VCL: variants seen among roughly 807,000 people sequenced by gnomAD.
VCL encodes vinculin.
A neutral mutation model predicts 125.7 loss-of-function variants in VCL; 47 were observed. The ratio of observed to expected loss-of-function variants is 0.37; its 90% CI spans 0.30 to 0.48. The LOEUF is 0.48. Among genes scored for constraint, VCL ranks in the 20% least tolerant of loss-of-function variants. VCL has a pLI of 0.99. For missense variants in VCL, 1,069 were observed against 1,455.5 expected, an observed-to-expected ratio of 0.73 and a Z score of 4.32; for synonymous variants, 458 against 514.6, an observed-to-expected ratio of 0.89 and a Z score of 1.49.
In VCL at chr10:74,089,099, G is replaced by T. The variant is rs912814047; in HGVS notation, c.1023-97G>T. The T allele has an allele frequency of 7.7e-6, 12 of 1,552,914 alleles. No individual in the cohort carries two copies. In the African/African-American group the frequency reaches 1.4e-4, roughly 18 times the overall value. On this transcript the variant is annotated intron_variant, in intron 8 of 21. Coordinates refer to ENST00000211998, the MANE Select transcript of VCL (RefSeq NM_014000.3). ...TTACTGGGAAAAAGGAAAAAGCCAAGCATGTTCATGAAAACCACATGTACT... is the reference window on the plus strand; with the variant it reads ...TTACTGGGAAAAAGGAAAAAGCCAATCATGTTCATGAAAACCACATGTACT...
At chr10:74,031,444 C>G (rs1416148848) in intron 1 of VCL, among the ~76,000 whole-genome samples, 2 of 152,166 alleles carry the variant, frequency 1.3e-5, no homozygotes, top group Non-Finnish European at 2.9e-5. Flanking sequence ...ATACCATACA[C>G]AAAAATTGAC....
chr10:74,022,748 T>A (rs1840697191), intron 1 of VCL, among the ~76,000 whole-genome samples: 1 of 151,422 alleles, frequency 6.6e-6, no homozygotes, highest in African/African-American at 2.4e-5. Flanking sequence ...GCAATTCTCC[T>A]GCCTCAGCCT....
Position 74,105,575 on chromosome 10 carries a change from T to C in VCL, c.2434+222T>C, listed in dbSNP as rs368114841. On this transcript the variant is annotated intron_variant, in intron 16 of 21. Transcript: ENST00000211998. ...TTTCTGGACCAACTTCTCTGTGCTT[T>C]CTTTTTTTTTTGAGACTCTCACCCA... Among the ~76,000 whole-genome samples the C allele has an allele frequency of 2.6e-5, 4 of 152,256 alleles. No individual in the cohort carries two copies. In the South Asian group the frequency reaches 8.3e-4, roughly 32 times the overall value.
rs549460368 is a variant in VCL, at chr10:74,087,439, G to A, written c.1023-1757G>A. 2.6e-3 allele frequency among the ~76,000 whole-genome samples: 378 copies of A among 146,066 alleles called. 4 individuals carry two copies. The highest frequency in any genetic ancestry group is 0.021 in the Middle Eastern group (6 of 282). On this transcript the variant is annotated intron_variant, in intron 8 of 21. Coordinates refer to ENST00000211998, the MANE Select transcript of VCL (RefSeq NM_014000.3). Reference sequence around the variant, plus strand: ...CGGCTCACTGCAAGCTCTGCCTCCCGGGTTCACACCATTCTCCTGCCTCAG... The same window carrying A: ...CGGCTCACTGCAAGCTCTGCCTCCCAGGTTCACACCATTCTCCTGCCTCAG...
At chr10:74,070,568 G>T in intron 2 of VCL, 102 bp from the exon 3 acceptor site, 1 of 1,552,974 alleles carries the variant, frequency 6.4e-7, no homozygotes, top group Non-Finnish European at 8.8e-7. Context: ...TTCATGTAGG[G>T]AAAAAAACTG....
intron 1 of VCL, among the ~76,000 whole-genome samples, chr10:74,031,290 G>T (rs1840869326): frequency 6.6e-6 from 1 of 152,074 alleles, no homozygotes; most frequent in African/African-American, 2.4e-5. Flanking sequence ...CCTGGTAAAG[G>T]TTAGTCTCTG....
At chr10:74,115,701 G>T (rs1840301902) in intron 21 of VCL, among the ~76,000 whole-genome samples, 1 of 152,230 alleles carries the variant, frequency 6.6e-6, no homozygotes, top group Non-Finnish European at 1.5e-5. Context: ...CTTTTCCGGG[G>T]CATGAGGTAG....
chr10:74,083,615 T>C, intron 8 of VCL, 102 bp downstream of exon 8: 1 of 1,408,820 alleles, frequency 7.1e-7, no homozygotes, highest in African/African-American at 1.4e-5. Flanking sequence ...TCTCTTTGGC[T>C]AGTAGATAAC....
At chr10:74,072,918 T>C in intron 5 of VCL, 66 bp downstream of exon 5, 1 of 1,605,122 alleles carries the variant, frequency 6.2e-7, no homozygotes, top group East Asian at 2.2e-5. Context: ...ACTCTGAGGT[T>C]CATTTTGTTT....
intron 2 of VCL, among the ~76,000 whole-genome samples, chr10:74,068,470 C>A (rs1841610159): frequency 1.3e-5 from 2 of 151,848 alleles, no homozygotes; most frequent in South Asian, 4.2e-4. Flanking sequence ...GATTACAGGC[C>A]CCTGCCACCA....
intron 8 of VCL, among the ~76,000 whole-genome samples, chr10:74,084,531 C>T (rs1334022861): frequency 1.3e-5 from 2 of 151,406 alleles, no homozygotes; most frequent in Non-Finnish European, 2.9e-5. Flanking sequence ...AGGTGATCCA[C>T]CTGCCTTGGC....
Position 74,095,858 on chromosome 10 carries a change from A to G in VCL, c.1743+3A>G. 2 of 1,613,118 alleles carry G rather than the reference A, an allele frequency of 1.2e-6. No individual in the cohort carries two copies. Among genetic ancestry groups the G allele is most frequent in the Non-Finnish European group, 1.7e-6 (2 of 1,179,976 alleles). On this transcript the variant is annotated splice_donor_region_variant and intron_variant, in intron 12 of 21. Transcript: ENST00000211998. ...CTCAGCTCCAAGACTCCTTAAAGGT[A>G]GAAGTCAGGAGCACATATCATTTTA...
chr10:74,012,592 G>A (rs1211583536), intron 1 of VCL, among the ~76,000 whole-genome samples: 3 of 152,316 alleles, frequency 2.0e-5, no homozygotes, highest in East Asian at 1.9e-4. Context: ...TGAAGTGGTA[G>A]GGACGTGGGG....
In VCL at chr10:74,103,874, G is replaced by C; in HGVS notation, c.2077G>C (p.Glu693Gln). ...GAACCCTGGAAATCAAGCTGCTTAT[G>C]AACATTTTGAGACCATGAAGAACCA... ...LRNPGNQAAY[E>Q]HFETMKNQWI... The change falls in exon 15 of 22, where the codon GAA (glutamate) becomes CAA (glutamine). Residue 693 changes from glutamate to glutamine, a missense_variant. Glu to Gln is a conservative substitution (Grantham distance 29). Transcript: ENST00000211998. 2 of 1,614,148 alleles carry C rather than the reference G, an allele frequency of 1.2e-6. No homozygotes were observed. Among genetic ancestry groups the C allele is most frequent in the Non-Finnish European group, 1.7e-6 (2 of 1,180,008 alleles).
Position 74,118,188 on chromosome 10 carries a change from C to A in VCL, c.*19C>A. 1.2e-6 allele frequency: 2 copies of A among 1,614,018 alleles called. No homozygotes were observed. Among genetic ancestry groups the A allele is most frequent in the Non-Finnish European group, 1.7e-6 (2 of 1,179,968 alleles). ...CCAGTAGGCACCTGGCTGAGCCTGGCTGGCACAGAAACCTCTACTAAAAAG... is the reference window on the plus strand; with the variant it reads ...CCAGTAGGCACCTGGCTGAGCCTGGATGGCACAGAAACCTCTACTAAAAAG... On this transcript the variant is annotated 3_prime_UTR_variant, in exon 22 of 22. Transcript: ENST00000211998.
At chr10:74,014,398 A>AT (rs112309610) in intron 1 of VCL, among the ~76,000 whole-genome samples, 13 of 151,424 alleles carry the variant, frequency 8.6e-5, no homozygotes, top group South Asian at 8.3e-4. Flanking sequence ...TGCCTGGCTA[A>AT]TTTTTTTTGT....
chr10:74,051,131 G>T (rs1195715971), intron 2 of VCL, among the ~76,000 whole-genome samples: 1 of 151,738 alleles, frequency 6.6e-6, no homozygotes, highest in Non-Finnish European at 1.5e-5. Flanking sequence ...GTAGAGATGG[G>T]TTACACCATG....
In VCL at chr10:74,072,880, AG is replaced by A. The variant is rs1312412318; in HGVS notation, c.622+34del. 5 of 1,612,648 alleles carry A rather than the reference AG, an allele frequency of 3.1e-6. No homozygotes were observed. In the South Asian group the frequency reaches 3.3e-5, roughly 11 times the overall value. ...ACTTCCTGCCTGTACTTTATTTTAT[AG>A]GGGGGAAAAATGTTAGCATGTTCTA... On this transcript the variant is annotated intron_variant, in intron 5 of 21. Transcript: ENST00000211998.
At chr10:74,100,876 T>A (rs1840041696) in intron 13 of VCL, 72 bp from the exon 14 acceptor site, 1 of 1,585,702 alleles carries the variant, frequency 6.3e-7, no homozygotes, top group Non-Finnish European at 8.6e-7. Context: ...TCTTAAAGGA[T>A]GAAACTTTTT....
Sources: gnomAD v4.1 joint callset for allele counts (sites outside exome capture counted in the v4.1 genomes callset) on GRCh38, gnomAD v4.1.1 for gene constraint, MANE v1.5 for transcripts, NCBI Gene and HGNC (gene_info 2026-07-23, HGNC 2026-07-21) for gene names.